CEP43: variants seen among roughly 807,000 people sequenced by gnomAD.
CEP43 encodes centrosomal protein 43, also known as FGFR1 oncogene partner.
In CEP43, 36 loss-of-function variants were observed where a neutral mutation model predicts 52.6. That is an observed-to-expected ratio of 0.68 (90% confidence interval 0.52 to 0.90). The LOEUF is 0.90. CEP43 is among the 40% of genes least tolerant of loss of function. The pLI is 0.00. For synonymous variants in CEP43, 192 were observed against 172.4 expected (o/e 1.11, Z -0.89); for missense variants, 506 against 472.8 (o/e 1.07, Z -0.65).
At chr6:167,000,672 G>A (rs1286717243) in intron 2 of CEP43, among the ~76,000 whole-genome samples, 1 of 152,214 alleles carries the variant, frequency 6.6e-6, no homozygotes, top group African/African-American at 2.4e-5. Context: ...CTTGCTGTAT[G>A]ACAAATCAGT....
At position 167,041,792 on chromosome 6, in the gene CEP43, G is replaced by A. The variant is rs1028059788; in HGVS notation, c.*1814G>A. ...AGGGTAAAAGAAATATGCCAAATATGAAACTTTTTTGTCAGCACTACATAC... is the reference window on the plus strand; with the variant it reads ...AGGGTAAAAGAAATATGCCAAATATAAAACTTTTTTGTCAGCACTACATAC... On this transcript the variant is annotated 3_prime_UTR_variant, in exon 13 of 13. Transcript: ENST00000366847. The A allele has an allele frequency of 3.7e-6, 3 of 817,838 alleles. No homozygotes were observed. The Admixed American group carries it at 3.0e-4, about 81-fold the overall frequency. 50.7% of individuals were successfully genotyped at this position (817,838 alleles called of 1,614,324 possible).
At position 167,041,796 on chromosome 6, in the gene CEP43, C is replaced by G; in HGVS notation, c.*1818C>G. ...TAAAAGAAATATGCCAAATATGAAA[C>G]TTTTTTGTCAGCACTACATACATCT... On this transcript the variant is annotated 3_prime_UTR_variant, in exon 13 of 13. Transcript: ENST00000366847. 1 of 728,088 alleles carries G rather than the reference C, an allele frequency of 1.4e-6. No homozygotes were observed. Among genetic ancestry groups the G allele is most frequent in the African/African-American group, 2.4e-5 (1 of 41,010 alleles). 45.1% of individuals were successfully genotyped at this position (728,088 alleles called of 1,614,324 possible). A position where few individuals can be genotyped will look rare whatever the true frequency, so the allele number is the denominator to read the frequency against.
chr6:167,013,500 A>C lies in CEP43; in HGVS notation c.520-8A>C, dbSNP rs778326512. On this transcript the variant is annotated splice_polypyrimidine_tract_variant and splice_region_variant and intron_variant, in intron 6 of 12. Coordinates refer to ENST00000366847, the MANE Select transcript of CEP43 (RefSeq NM_007045.4). ...TGTGGTAAAATCTCATTTTATTCTCATGCTCAGATACCAAGGTATAAAGGA... is the reference window on the plus strand; with the variant it reads ...TGTGGTAAAATCTCATTTTATTCTCCTGCTCAGATACCAAGGTATAAAGGA... 6 of 1,609,756 alleles carry C rather than the reference A, an allele frequency of 3.7e-6. No individual in the cohort carries two copies. In the East Asian group the frequency reaches 1.3e-4, roughly 36 times the overall value.
intron 7 of CEP43, among the ~76,000 whole-genome samples, chr6:167,015,566 G>A (rs1780076051): frequency 6.6e-6 from 1 of 152,202 alleles, no homozygotes; most frequent in African/African-American, 2.4e-5. Flanking sequence ...TGGGAGCCCT[G>A]CCTGTCCTGC....
intron 4 of CEP43, 102 bp from the exon 5 acceptor site, chr6:167,004,162 T>C (rs1182278889): frequency 2.4e-6 from 3 of 1,243,204 alleles, no homozygotes; most frequent in East Asian, 5.0e-5. Context: ...GACAGTCTCT[T>C]TGAGTTTAAA....
Position 167,051,175 on chromosome 6 carries a change from A to T in CEP43, c.*11197A>T, listed in dbSNP as rs886324800. ...TGCAAAAGCCTGGAAAGTCATCTCA[A>T]ATGTTAGGTTCTACAATAGTCAAGT... On this transcript the variant is annotated 3_prime_UTR_variant, in exon 13 of 13. Coordinates refer to ENST00000366847, the MANE Select transcript of CEP43 (RefSeq NM_007045.4). The T allele has an allele frequency of 6.6e-6, 1 of 152,214 alleles. No individual in the cohort carries two copies. Among genetic ancestry groups the T allele is most frequent in the Non-Finnish European group, 1.5e-5 (1 of 68,042 alleles). The allele number at this position is 152,214 out of a possible 1,614,324, so 9.4% of individuals were successfully genotyped here. A position where few individuals can be genotyped will look rare whatever the true frequency, so the allele number is the denominator to read the frequency against.
chr6:167,013,625 G>A, intron 7 of CEP43, 58 bp downstream of exon 7: 1 of 1,396,018 alleles, frequency 7.2e-7, no homozygotes, highest in Non-Finnish European at 1.0e-6. Context: ...TCTCGACTCT[G>A]GGGCCTCCTG....
At chr6:167,016,596 A>AG (rs1371125791) in intron 7 of CEP43, among the ~76,000 whole-genome samples, 3 of 152,074 alleles carry the variant, frequency 2.0e-5, no homozygotes, top group African/African-American at 7.2e-5. Context: ...ACATGTATTG[A>AG]GATGCTTTTT....
chr6:167,031,902 A>C (rs952676024), intron 10 of CEP43, among the ~76,000 whole-genome samples: 5 of 152,116 alleles, frequency 3.3e-5, no homozygotes, highest in African/African-American at 7.2e-5. Context: ...CTTGTGGTGC[A>C]CTTTGAGAAA....
chr6:167,000,820 G>C (rs1779717868), intron 2 of CEP43, among the ~76,000 whole-genome samples: 1 of 152,182 alleles, frequency 6.6e-6, no homozygotes, highest in South Asian at 2.1e-4. Flanking sequence ...TATGGGTCTG[G>C]ACCCCTAATT....
chr6:167,044,510 A>C lies in CEP43; in HGVS notation c.*4532A>C, dbSNP rs563739666. 1.0e-6 allele frequency: 1 copy of C among 985,436 alleles called. No individual in the cohort carries two copies. The highest frequency in any genetic ancestry group is 4.7e-5 in the South Asian group (1 of 21,286). 61.0% of individuals were successfully genotyped at this position (985,436 alleles called of 1,614,324 possible). On this transcript the variant is annotated 3_prime_UTR_variant, in exon 13 of 13. Transcript: ENST00000366847. Reference sequence around the variant, plus strand: ...AGATTGGAAAAGTGTCCTCAGGTTCAAGGAAACCTGGGTGTGCACCGGGTG... The same window carrying C: ...AGATTGGAAAAGTGTCCTCAGGTTCCAGGAAACCTGGGTGTGCACCGGGTG...
At chr6:167,016,041 G>T (rs753329530) in intron 7 of CEP43, among the ~76,000 whole-genome samples, 1 of 150,096 alleles carries the variant, frequency 6.7e-6, no homozygotes. Context: ...ATTCCATTTC[G>T]TTGTACCAAA....
intron 5 of CEP43, among the ~76,000 whole-genome samples, chr6:167,007,821 G>T (rs1583270623): frequency 1.3e-5 from 2 of 152,308 alleles, no homozygotes; most frequent in Middle Eastern, 3.4e-3. Context: ...ATGCTCCCAA[G>T]CCGTAGATAA....
chr6:167,034,902 T>G (rs1052141549), intron 12 of CEP43, among the ~76,000 whole-genome samples: 4 of 152,260 alleles, frequency 2.6e-5, no homozygotes, highest in Non-Finnish European at 5.9e-5. Context: ...CCCTTATAAT[T>G]ATAAATTTAG....
intron 7 of CEP43, among the ~76,000 whole-genome samples, chr6:167,013,877 G>A (rs1780036713): frequency 6.6e-6 from 1 of 152,236 alleles, no homozygotes; most frequent in African/African-American, 2.4e-5. Context: ...GGAGGCTGAG[G>A]CAGGAGAATC....
chr6:167,037,446 C>T (rs953461503), intron 12 of CEP43, among the ~76,000 whole-genome samples: 12 of 152,308 alleles, frequency 7.9e-5, no homozygotes, highest in African/African-American at 2.9e-4. Flanking sequence ...TCCAAGGTAT[C>T]AGTTTGTTTT....
intron 11 of CEP43, among the ~76,000 whole-genome samples, chr6:167,033,404 C>T (rs1411510625): frequency 6.6e-6 from 1 of 152,066 alleles, no homozygotes; most frequent in Non-Finnish European, 1.5e-5. Flanking sequence ...CCACCATGCC[C>T]TGTCGATTCC....
intron 5 of CEP43, among the ~76,000 whole-genome samples, chr6:167,007,519 A>T (rs1241805691): frequency 6.6e-6 from 1 of 152,216 alleles, no homozygotes; most frequent in Non-Finnish European, 1.5e-5. Context: ...GTGCATATGT[A>T]TATAAACAAA....
At chr6:167,017,711 GCTT>G (rs1407121199) in intron 7 of CEP43, among the ~76,000 whole-genome samples, 1 of 151,426 alleles carries the variant, frequency 6.6e-6, no homozygotes, top group Admixed American at 6.6e-5. Context: ...GAAATGATTG[GCTT>G]CTTTATTATA....
Sources: allele counts gnomAD v4.1 joint callset (sites outside exome capture counted in the v4.1 genomes callset), GRCh38; gene constraint gnomAD v4.1.1; transcripts MANE v1.5; gene names NCBI Gene and HGNC (gene_info 2026-07-23, HGNC 2026-07-21).